Variants in MEGF11 observed in about 807,000 individuals in gnomAD.
MEGF11 encodes multiple epidermal growth factor-like domains protein 11.
In MEGF11, 126 loss-of-function variants were observed where a neutral mutation model predicts 146.6. The ratio of observed to expected loss-of-function variants is 0.86; its 90% CI spans 0.74 to 1.00. MEGF11 has a LOEUF of 1.00. MEGF11 is among the 50% of genes least tolerant of loss of function. MEGF11 has a pLI of 0.00. For missense variants in MEGF11, 1,509 were observed against 1,521.2 expected, an observed-to-expected ratio of 0.99 and a Z score of 0.13; for synonymous variants, 532 against 583.4, an observed-to-expected ratio of 0.91 and a Z score of 1.27.
chr15:66,219,640 A>G (rs563513120), intron 1 of MEGF11, among the ~76,000 whole-genome samples: 2 of 152,310 alleles, frequency 1.3e-5, no homozygotes, highest in African/African-American at 4.8e-5. Context: ...GCCACTCTGG[A>G]AAACATTTTG....
At chr15:66,125,569 G>C (rs1272016507) in intron 2 of MEGF11, among the ~76,000 whole-genome samples, 1 of 152,200 alleles carries the variant, frequency 6.6e-6, no homozygotes, top group South Asian at 2.1e-4. Flanking sequence ...TCACCTGTAA[G>C]TCTAACCAGG....
In MEGF11 at chr15:65,922,923, G is replaced by T; in HGVS notation, c.1722C>A (p.Asn574Lys). 1.9e-6 allele frequency: 3 copies of T among 1,613,246 alleles called. No homozygotes were observed. The highest frequency in any genetic ancestry group is 2.5e-6 in the Non-Finnish European group (3 of 1,179,740). Residue 574 changes from asparagine (N) to lysine (K), a missense_variant, in exon 14 of 26, where the codon AAC becomes AAA. Physicochemically the swap from Asn to Lys is moderately conservative, Grantham distance 94. Transcript: ENST00000395614. ...STCPPGRWGPNCSVSCSCENG... is the reference protein window; with the variant it reads ...STCPPGRWGPKCSVSCSCENG... The stretch of plus-strand genomic sequence containing the variant: ...TCTCACAGCTGCAGGAGACAGAGCA[G>T]TTGGGGCCCCAGCGGCCAGGTGGAC...
chr15:66,132,939 G>T (rs2088713562), intron 1 of MEGF11, among the ~76,000 whole-genome samples: 2 of 151,966 alleles, frequency 1.3e-5, no homozygotes, highest in South Asian at 4.2e-4. Flanking sequence ...CAAGAGCATT[G>T]CCTGCACATA....
intron 7 of MEGF11, among the ~76,000 whole-genome samples, chr15:65,974,852 T>G (rs1000691655): frequency 2.1e-5 from 1 of 47,686 alleles, no homozygotes; most frequent in African/African-American, 4.9e-5. Context: ...GGAAAAACTT[T>G]CTTTTTTTTT....
intron 5 of MEGF11, among the ~76,000 whole-genome samples, chr15:66,066,549 C>T (rs932016453): frequency 6.6e-6 from 1 of 152,236 alleles, no homozygotes; most frequent in Admixed American, 6.5e-5. Flanking sequence ...TGGCTGCCCG[C>T]CCTGGGTCCA....
chr15:65,897,731 G>C lies in MEGF11; in HGVS notation c.*203C>G. ...AATCCAGGGCATTTGGGGCTGAGTG[G>C]GTGATAGGATTTGCCTTTGAGAACA... On this transcript the variant is annotated 3_prime_UTR_variant, in exon 26 of 26. Coordinates refer to ENST00000395614, the MANE Select transcript of MEGF11 (RefSeq NM_001385028.1). 2 of 453,920 alleles carry C rather than the reference G, an allele frequency of 4.4e-6. No homozygotes were observed. The highest frequency in any genetic ancestry group is 7.7e-6 in the Non-Finnish European group (2 of 260,932). 28.1% of individuals were successfully genotyped at this position (453,920 alleles called of 1,614,324 possible).
chr15:66,037,180 T>G (rs1188818302), intron 5 of MEGF11, among the ~76,000 whole-genome samples: 2 of 152,158 alleles, frequency 1.3e-5, no homozygotes, highest in Non-Finnish European at 2.9e-5. Flanking sequence ...CCTCGCAGCA[T>G]CCAGCCCTCC....
chr15:66,028,348 T>G (rs954483601), intron 5 of MEGF11, among the ~76,000 whole-genome samples: 5 of 152,176 alleles, frequency 3.3e-5, no homozygotes, highest in African/African-American at 1.2e-4. Flanking sequence ...AGGTCCTATT[T>G]TACACTTCCT....
chr15:65,993,259 C>A (rs1376734907), intron 5 of MEGF11, among the ~76,000 whole-genome samples: 1 of 152,168 alleles, frequency 6.6e-6, no homozygotes, highest in Non-Finnish European at 1.5e-5. Context: ...GCAATGAGGT[C>A]TATGAGGCTC....
chr15:65,945,261 TCA>T (rs754682011), intron 10 of MEGF11, among the ~76,000 whole-genome samples: 3 of 152,206 alleles, frequency 2.0e-5, no homozygotes, highest in Non-Finnish European at 4.4e-5. Flanking sequence ...AGTCAAGTTC[TCA>T]CAGAGTGCCT....
In MEGF11 at chr15:66,047,967, T is replaced by C. The variant is rs12901786; in HGVS notation, c.394+46435A>G. 2.9e-5 allele frequency among the ~76,000 whole-genome samples: 4 copies of C among 139,776 alleles called. No homozygotes were observed. The East Asian group carries it at 8.5e-4, about 30-fold the overall frequency. The allele number at this position is 139,776 out of a possible 152,430, so 91.7% of individuals were successfully genotyped here. ...CTGGGAGGAGTGTTTTTTTTTTTTC[T>C]TTTTTGACAGAGCCTCTACCCAGGC... On this transcript the variant is annotated intron_variant, in intron 5 of 25. Coordinates refer to ENST00000395614, the MANE Select transcript of MEGF11 (RefSeq NM_001385028.1).
chr15:65,923,381 C>T (rs2079243951), intron 13 of MEGF11, among the ~76,000 whole-genome samples: 1 of 152,132 alleles, frequency 6.6e-6, no homozygotes, highest in East Asian at 1.9e-4. Context: ...CGGGAGGAAC[C>T]AACTATGGGC....
chr15:66,232,183 GAGTCAA>G (rs1223745271), intron 1 of MEGF11, among the ~76,000 whole-genome samples: 1 of 152,202 alleles, frequency 6.6e-6, no homozygotes, highest in Non-Finnish European at 1.5e-5. Flanking sequence ...CAGGTCTCAA[GAGTCAA>G]AGGTGGCCCT....
intron 1 of MEGF11, among the ~76,000 whole-genome samples, chr15:66,165,079 C>T (rs1057354221): frequency 2.0e-5 from 3 of 152,212 alleles, no homozygotes; most frequent in African/African-American, 7.2e-5. Context: ...ATGACCAACC[C>T]CTCACAGCAC....
At chr15:65,985,504 G>A (rs2081824000) in intron 5 of MEGF11, among the ~76,000 whole-genome samples, 6 of 152,090 alleles carry the variant, frequency 3.9e-5, no homozygotes, top group Admixed American at 2.0e-4. Flanking sequence ...GTATGAAACT[G>A]TTGGAGCCAA....
At chr15:66,084,097 C>T (rs1022825030) in intron 5 of MEGF11, among the ~76,000 whole-genome samples, 16 of 152,100 alleles carry the variant, frequency 1.1e-4, no homozygotes, top group African/African-American at 3.9e-4. Flanking sequence ...AGTGTACTTG[C>T]ACAAACCTAG....
intron 5 of MEGF11, among the ~76,000 whole-genome samples, chr15:66,044,206 T>C (rs910107717): frequency 8.5e-5 from 13 of 152,190 alleles, no homozygotes; most frequent in Non-Finnish European, 1.3e-4. Context: ...CACCCAGACC[T>C]GGGTTCGAAT....
chr15:66,249,057 T>C (rs1007064687), intron 1 of MEGF11, among the ~76,000 whole-genome samples: 9 of 152,192 alleles, frequency 5.9e-5, no homozygotes, highest in African/African-American at 1.7e-4. Flanking sequence ...GCCAGCCAAG[T>C]TGAAACACAA....
At chr15:65,957,421 G>T (rs1205889571) in intron 10 of MEGF11, 126 bp downstream of exon 10, 5 of 884,548 alleles carry the variant, frequency 5.7e-6, no homozygotes, top group South Asian at 1.8e-5. Context: ...CCCTCATGAA[G>T]TCTGTCTCTG....
Sources: gnomAD v4.1 joint callset for allele counts (sites outside exome capture counted in the v4.1 genomes callset) on GRCh38, gnomAD v4.1.1 for gene constraint, MANE v1.5 for transcripts, NCBI Gene and HGNC (gene_info 2026-07-23, HGNC 2026-07-21) for gene names.